Variants in CNBD2 observed in about 807,000 individuals in gnomAD.
The protein encoded by CNBD2 is cyclic nucleotide binding domain containing 2, also known as cyclic nucleotide-binding domain-containing protein 2.
A neutral mutation model predicts 63.7 loss-of-function variants in CNBD2; 64 were observed. That is an observed-to-expected ratio of 1.00 (90% CI 0.82 to 1.24). The LOEUF is 1.24. CNBD2 is among the 50% of genes most tolerant of loss of function. The pLI, the probability that CNBD2 is intolerant of heterozygous loss-of-function variation, is 0.00. For missense variants in CNBD2, 691 were observed against 713.5 expected (o/e 0.97, Z 0.36); for synonymous variants, 229 against 255.4 (o/e 0.90, Z 0.99).
intron 8 of CNBD2, among the ~76,000 whole-genome samples, chr20:36,000,051 T>C (rs1343699976): frequency 1.3e-5 from 2 of 152,236 alleles, no homozygotes; most frequent in Admixed American, 1.3e-4. Flanking sequence ...ATAGTTACTA[T>C]TTCTGATGTT....
chr20:36,013,838 G>T (rs773002888), intron 10 of CNBD2, among the ~76,000 whole-genome samples: 17 of 152,134 alleles, frequency 1.1e-4, no homozygotes, highest in Non-Finnish European at 2.4e-4. Context: ...AACATCAGTA[G>T]TCACTGAAAT....
chr20:36,017,848 C>A (rs2057155753), intron 10 of CNBD2, among the ~76,000 whole-genome samples: 1 of 152,200 alleles, frequency 6.6e-6, no homozygotes, highest in African/African-American at 2.4e-5. Flanking sequence ...CCTCTGCGCC[C>A]ACACACCGCT....
rs1294224186 is a variant in CNBD2, at chr20:35,987,387, T to G, written c.717-8T>G. On this transcript the variant is annotated splice_polypyrimidine_tract_variant and splice_region_variant and intron_variant, in intron 6 of 11. Coordinates refer to ENST00000373973, the MANE Select transcript of CNBD2 (RefSeq NM_001365709.1). ...GAGTTGATGAATTCTAACAGGCTCT[T>G]CCCACAGGAAGATGGAGCTGTTTGC... 3.1e-6 allele frequency: 5 copies of G among 1,613,960 alleles called. No homozygotes were observed. In the South Asian group the frequency reaches 4.4e-5, roughly 14 times the overall value.
At chr20:35,978,588 T>C (rs1235163904) in intron 3 of CNBD2, among the ~76,000 whole-genome samples, 3 of 152,072 alleles carry the variant, frequency 2.0e-5, no homozygotes, top group Non-Finnish European at 4.4e-5. Flanking sequence ...TCGTGATCCG[T>C]CCGCCTTGGC....
At chr20:35,987,576 G>C in intron 7 of CNBD2, 43 bp downstream of exon 7, 1 of 1,609,098 alleles carries the variant, frequency 6.2e-7, no homozygotes, top group Non-Finnish European at 8.5e-7. Flanking sequence ...CCTCTGAGGA[G>C]CATGCCTAAG....
At chr20:36,016,311 G>A (rs2057131845) in intron 10 of CNBD2, among the ~76,000 whole-genome samples, 1 of 152,174 alleles carries the variant, frequency 6.6e-6, no homozygotes, top group African/African-American at 2.4e-5. Context: ...TAGAAAAAGG[G>A]CATTAGGTGA....
intron 4 of CNBD2, among the ~76,000 whole-genome samples, chr20:35,981,016 A>G (rs2056592088): frequency 6.6e-6 from 1 of 152,164 alleles, no homozygotes; most frequent in African/African-American, 2.4e-5. Flanking sequence ...TCTTTCTGAA[A>G]CAGCTTGGCT....
chr20:35,997,413 T>C (rs1411773051), intron 8 of CNBD2, among the ~76,000 whole-genome samples: 1 of 152,136 alleles, frequency 6.6e-6, no homozygotes, highest in Non-Finnish European at 1.5e-5. Flanking sequence ...TTGAGTCCCA[T>C]TTATTAGCTG....
intron 8 of CNBD2, among the ~76,000 whole-genome samples, chr20:36,000,010 AT>A (rs2056875008): frequency 6.6e-6 from 1 of 152,184 alleles, no homozygotes; most frequent in Non-Finnish European, 1.5e-5. Context: ...TATTTAAAAA[AT>A]AATAAGAAAA....
intron 1 of CNBD2, among the ~76,000 whole-genome samples, chr20:35,969,042 C>T (rs1303996590): frequency 6.6e-6 from 1 of 152,144 alleles, no homozygotes; most frequent in Non-Finnish European, 1.5e-5. Context: ...CTGTTCTGTA[C>T]CCACTCTTCC....
At chr20:35,967,044 C>T (rs953524644), upstream of CNBD2, among the ~76,000 whole-genome samples, 5 of 152,112 alleles carry the variant, frequency 3.3e-5, no homozygotes, top group African/African-American at 1.2e-4. Flanking sequence ...AGTCAATTTA[C>T]AACCAAAAGT....
intron 9 of CNBD2, among the ~76,000 whole-genome samples, chr20:36,010,444 C>CA (rs147122121): frequency 0.32 from 29,315 of 92,682 alleles, 3,541 homozygotes; most frequent in South Asian, 0.48. Flanking sequence ...AACTCTGTCT[C>CA]AAAAAAAAAA....
intron 7 of CNBD2, among the ~76,000 whole-genome samples, chr20:35,991,871 TTTC>T (rs935761130): frequency 1.3e-5 from 2 of 151,968 alleles, no homozygotes; most frequent in East Asian, 1.9e-4. Flanking sequence ...TGGGAACTCA[TTTC>T]TTCTTCTTTT....
At chr20:35,996,758 T>C (rs2056831396) in intron 8 of CNBD2, among the ~76,000 whole-genome samples, 1 of 152,156 alleles carries the variant, frequency 6.6e-6, no homozygotes, top group African/African-American at 2.4e-5. Flanking sequence ...TCCGACTGCC[T>C]CGGCCTCCCA....
At position 36,030,674 on chromosome 20, in the gene CNBD2, A is replaced by G. The variant is rs2057334853; in HGVS notation, c.*26A>G. On this transcript the variant is annotated 3_prime_UTR_variant, in exon 12 of 12. Coordinates refer to ENST00000373973, the MANE Select transcript of CNBD2 (RefSeq NM_001365709.1). The stretch of plus-strand genomic sequence containing the variant: ...TGTAAGAGCACAGGGGTCCTTATTT[A>G]GGACAAATAAAGGATGGTGGATTGG... 1 of 1,610,486 alleles carries G rather than the reference A, an allele frequency of 6.2e-7. No individual in the cohort carries two copies. Among genetic ancestry groups the G allele is most frequent in the Non-Finnish European group, 8.5e-7 (1 of 1,177,314 alleles).
chr20:35,996,798 G>A (rs2147278770), intron 8 of CNBD2, among the ~76,000 whole-genome samples: 1 of 152,184 alleles, frequency 6.6e-6, no homozygotes, highest in South Asian at 2.1e-4. Context: ...ATGAGCCACC[G>A]CACCTGGCCT....
At chr20:35,997,704 T>C (rs1475087883) in intron 8 of CNBD2, among the ~76,000 whole-genome samples, 2 of 152,056 alleles carry the variant, frequency 1.3e-5, no homozygotes, top group South Asian at 2.1e-4. Flanking sequence ...CCTGGCTGCA[T>C]AGGCAGATGG....
At chr20:35,968,116 C>G (rs2056362291), upstream of CNBD2, among the ~76,000 whole-genome samples, 4 of 152,152 alleles carry the variant, frequency 2.6e-5, no homozygotes, top group South Asian at 8.3e-4. Flanking sequence ...TGGCTGAGAT[C>G]AAGTGTAGTA....
chr20:36,013,369 G>T (rs1487650579), intron 10 of CNBD2, among the ~76,000 whole-genome samples: 3 of 152,078 alleles, frequency 2.0e-5, no homozygotes, highest in African/African-American at 7.2e-5. Context: ...AGTGAGCAGA[G>T]ATCGCGCCAC....
Sources: allele counts gnomAD v4.1 joint callset (sites outside exome capture counted in the v4.1 genomes callset), GRCh38; gene constraint gnomAD v4.1.1; transcripts MANE v1.5; gene names NCBI Gene and HGNC (gene_info 2026-07-23, HGNC 2026-07-21).